Variants in PRKD3 observed in about 807,000 individuals in gnomAD.
The protein encoded by PRKD3 is protein kinase D3.
A neutral mutation model predicts 99.2 loss-of-function variants in PRKD3; 47 were observed. That is an observed-to-expected ratio of 0.47 (90% CI 0.38 to 0.60). PRKD3 has a LOEUF of 0.60. Ranked by LOEUF, PRKD3 falls within the 20% of genes least tolerant of loss-of-function variation. PRKD3 has a pLI of 0.00. For missense variants in PRKD3, 1,019 were observed against 1,088.4 expected (o/e 0.94, Z 0.90); for synonymous variants, 392 against 355.4 (o/e 1.10, Z -1.16).
intron 14 of PRKD3, among the ~76,000 whole-genome samples, chr2:37,263,176 G>C (rs1668596567): frequency 6.6e-6 from 1 of 151,942 alleles, no homozygotes; most frequent in Admixed American, 6.6e-5. Context: ...AGGTTATAAA[G>C]CTTTTTCTGA....
intron 14 of PRKD3, among the ~76,000 whole-genome samples, chr2:37,266,816 C>T: frequency 6.6e-6 from 1 of 152,080 alleles, no homozygotes; most frequent in East Asian, 1.9e-4. Context: ...ACCATGATTT[C>T]TTTAATAATA....
chr2:37,284,302 T>TA (rs1192279958), intron 6 of PRKD3, among the ~76,000 whole-genome samples: 1 of 152,172 alleles, frequency 6.6e-6, no homozygotes, highest in East Asian at 1.9e-4. Context: ...TATACTGAAA[T>TA]AAAACCTACC....
chr2:37,300,516 G>C (rs938620257), intron 2 of PRKD3, among the ~76,000 whole-genome samples: 1 of 152,186 alleles, frequency 6.6e-6, no homozygotes, highest in Non-Finnish European at 1.5e-5. Flanking sequence ...AAAATAACTA[G>C]AAGAGTAGAA....
At chr2:37,270,870 TAAAC>T (rs1032225364) in intron 12 of PRKD3, among the ~76,000 whole-genome samples, 4 of 152,248 alleles carry the variant, frequency 2.6e-5, no homozygotes, top group Non-Finnish European at 4.4e-5. Flanking sequence ...ATATATTTGT[TAAAC>T]AAAAGCCAAT....
intron 13 of PRKD3, 169 bp downstream of exon 13, chr2:37,269,446 A>T: frequency 1.6e-6 from 1 of 613,054 alleles, no homozygotes; most frequent in Admixed American, 2.8e-5. Context: ...ACATTAAGGG[A>T]AGAATACTCA....
intron 9 of PRKD3, 119 bp from the exon 10 acceptor site, chr2:37,275,963 C>A: frequency 7.6e-7 from 1 of 1,308,240 alleles, no homozygotes; most frequent in Non-Finnish European, 1.0e-6. Context: ...CTTTAAGATT[C>A]ATGAGGTTCA....
rs115071891 is a variant in PRKD3, at chr2:37,286,677, A to G, written c.718-308T>C. ...AAATCAAATACACAAACTTTAAAAC[A>G]AATAAATGAAGAAAGTATTATTGCT... is the stretch of plus-strand genomic sequence containing the variant. On this transcript the variant is annotated intron_variant, in intron 5 of 18. Coordinates refer to ENST00000234179, the MANE Select transcript of PRKD3 (RefSeq NM_005813.6). 6.5e-3 allele frequency among the ~76,000 whole-genome samples: 993 copies of G among 152,324 alleles called. 15 individuals carry two copies. Among genetic ancestry groups the G allele is most frequent in the African/African-American group, 0.023 (957 of 41,570 alleles).
Position 37,324,772 on chromosome 2 carries a change from T to G in PRKD3, c.-747A>C, listed in dbSNP as rs993254727. Reference sequence around the variant, plus strand: ...GCGAGGCTTCACGCGCCTCGCAGGATCCCGCCCGCCTCCGGCGCCCCTTCC... The same window carrying G: ...GCGAGGCTTCACGCGCCTCGCAGGAGCCCGCCCGCCTCCGGCGCCCCTTCC... On this transcript the variant is annotated 5_prime_UTR_variant, in exon 1 of 19. Transcript: ENST00000234179. 1 of 150,836 alleles carries G rather than the reference T, an allele frequency of 6.6e-6. No homozygotes were observed. The highest frequency in any genetic ancestry group is 2.4e-5 in the African/African-American group (1 of 41,194). 9.3% of individuals were successfully genotyped at this position (150,836 alleles called of 1,614,324 possible). A position where few individuals can be genotyped will look rare whatever the true frequency, so the allele number is the denominator to read the frequency against.
Position 37,252,932 on chromosome 2 carries a change from AC to A in PRKD3, c.*244del, listed in dbSNP as rs1479188499. The A allele has an allele frequency of 3.4e-6, 1 of 290,786 alleles. No homozygotes were observed. Among genetic ancestry groups the A allele is most frequent in the African/African-American group, 2.2e-5 (1 of 45,940 alleles). The allele number at this position is 290,786 out of a possible 1,614,324, so 18.0% of individuals were successfully genotyped here. On this transcript the variant is annotated 3_prime_UTR_variant, in exon 19 of 19. Transcript: ENST00000234179. ...GTGAAGGATTAAGAAAAAATACAAAACCAGTTATTGCTTAGGCTAAAAAAGT... is the reference window on the plus strand; with the variant it reads ...GTGAAGGATTAAGAAAAAATACAAAACAGTTATTGCTTAGGCTAAAAAAGT...
intron 2 of PRKD3, among the ~76,000 whole-genome samples, chr2:37,309,957 A>G (rs1671351663): frequency 6.6e-6 from 1 of 152,150 alleles, no homozygotes; most frequent in South Asian, 2.1e-4. Flanking sequence ...AGAACAGAAG[A>G]TAAAATAAAT....
intron 14 of PRKD3, 25 bp from the exon 15 acceptor site, chr2:37,260,409 G>C: frequency 1.3e-6 from 2 of 1,587,162 alleles, no homozygotes; most frequent in Non-Finnish European, 1.7e-6. Context: ...CAAGATACAT[G>C]AGCAACTTAA....
rs896819042 is a variant in PRKD3 at position 37,300,330 on chromosome 2, C to G, written c.289-7059G>C. On this transcript the variant is annotated intron_variant, in intron 2 of 18. Coordinates refer to ENST00000234179, the MANE Select transcript of PRKD3 (RefSeq NM_005813.6). The stretch of plus-strand genomic sequence containing the variant: ...TGTGAAAAATTTAAAAAAAAAATGA[C>G]CTCATGGAGATAGAGAGTAGAATGA... 3.3e-5 allele frequency among the ~76,000 whole-genome samples: 5 copies of G among 152,102 alleles called. No individual in the cohort carries two copies. In the South Asian group the frequency reaches 1.0e-3, roughly 32 times the overall value.
chr2:37,303,778 T>C (rs376929002), intron 2 of PRKD3, among the ~76,000 whole-genome samples: 1 of 152,218 alleles, frequency 6.6e-6, no homozygotes, highest in Non-Finnish European at 1.5e-5. Context: ...GAAGGTTTTA[T>C]TCTAAATGCA....
rs985881487 is a variant in PRKD3 at position 37,253,112 on chromosome 2, C to T, written c.*65G>A. ...ACTGCAGATGACAATCTACAAAGAA[C>T]AAGTTACACAGCAAAATATCAGTCC... On this transcript the variant is annotated 3_prime_UTR_variant, in exon 19 of 19. Transcript: ENST00000234179. The T allele has an allele frequency of 2.0e-6, 3 of 1,465,372 alleles. No homozygotes were observed. Among genetic ancestry groups the T allele is most frequent in the Admixed American group, 4.0e-5 (2 of 50,044 alleles). The allele number at this position is 1,465,372 out of a possible 1,614,324, so 90.8% of individuals were successfully genotyped here.
intron 14 of PRKD3, among the ~76,000 whole-genome samples, chr2:37,262,435 TAAC>T (rs1449810367): frequency 3.3e-5 from 5 of 152,280 alleles, no homozygotes; most frequent in Admixed American, 1.3e-4. Context: ...GAAAGTGAAA[TAAC>T]AACAAATGCA....
chr2:37,260,149 G>GT (rs1250805888), intron 15 of PRKD3, 74 bp downstream of exon 15: 86 of 1,342,842 alleles, frequency 6.4e-5, no homozygotes, highest in Non-Finnish European at 8.7e-5. Context: ...AGGTGACAGA[G>GT]TAAGACTCTT....
chr2:37,293,449 T>C (rs552484480), intron 2 of PRKD3, among the ~76,000 whole-genome samples, 178 bp from the exon 3 acceptor site: 2 of 152,332 alleles, frequency 1.3e-5, no homozygotes, highest in South Asian at 4.1e-4. Flanking sequence ...AATTTTAAAG[T>C]TCAAGAAAAA....
intron 2 of PRKD3, among the ~76,000 whole-genome samples, chr2:37,312,975 A>G (rs575375523): frequency 6.6e-6 from 1 of 152,356 alleles, no homozygotes; most frequent in South Asian, 2.1e-4. Context: ...CTGCATGTAG[A>G]AATAAAATAT....
rs1375193568 is a variant in PRKD3 at position 37,289,418 on chromosome 2, C to T, written c.655G>A (p.Gly219Arg). The T allele has an allele frequency of 6.2e-7, 1 of 1,614,036 alleles. No individual in the cohort carries two copies. The highest frequency in any genetic ancestry group is 8.5e-7 in the Non-Finnish European group (1 of 1,179,976). Residue 219 changes from glycine (G) to arginine (R), a missense_variant, in exon 5 of 19, where the codon GGA becomes AGA. Physicochemically the swap from Gly to Arg is moderately radical, Grantham distance 125 (BLOSUM62 -2). Coordinates refer to ENST00000234179, the MANE Select transcript of PRKD3 (RefSeq NM_005813.6). ...KRRLSNVSLP[G>R]PGLSVPRPLQ... The stretch of plus-strand genomic sequence containing the variant: ...GGTCTTGGAACTGAGAGGCCGGGTC[C>T]TGGTAAAGATACATTTGACAGACGT...
Sources: gnomAD v4.1 joint callset for allele counts (sites outside exome capture counted in the v4.1 genomes callset) on GRCh38, gnomAD v4.1.1 for gene constraint, MANE v1.5 for transcripts, NCBI Gene and HGNC (gene_info 2026-07-23, HGNC 2026-07-21) for gene names.